TENM2: variants seen among roughly 807,000 people sequenced by gnomAD.
The protein encoded by TENM2 is teneurin transmembrane protein 2, also known as teneurin-2.
TENM2 carries 52 observed loss-of-function variants against 245.2 expected under a neutral mutation model. The observed-to-expected ratio is 0.21, with a 90% confidence interval of 0.17 to 0.27. TENM2 has a LOEUF of 0.27. TENM2 is among the 10% of genes least tolerant of loss of function. The pLI is 1.00. For synonymous variants in TENM2, 1,363 were observed against 1,438.9 expected (o/e 0.95, Z 1.19); for missense variants, 3,046 against 3,666.8 (o/e 0.83, Z 4.37).
intron 2 of TENM2, among the ~76,000 whole-genome samples, chr5:167,570,102 T>A (rs1307281807): frequency 1.3e-5 from 2 of 152,156 alleles, no homozygotes; most frequent in African/African-American, 2.4e-5. Context: ...AATAATGTAC[T>A]TGAGGCTCTG....
chr5:167,669,725 G>C (rs1231451781), intron 2 of TENM2, among the ~76,000 whole-genome samples: 1 of 152,114 alleles, frequency 6.6e-6, no homozygotes, highest in Non-Finnish European at 1.5e-5. Context: ...AGACGGCAGG[G>C]TGGCAGATGG....
intron 2 of TENM2, among the ~76,000 whole-genome samples, chr5:167,674,305 C>A (rs1756161546): frequency 6.6e-6 from 1 of 152,082 alleles, no homozygotes; most frequent in Non-Finnish European, 1.5e-5. Flanking sequence ...ATTATACAGT[C>A]ATGCCATCAC....
At chr5:167,381,478 C>CA (rs1561910405) in intron 2 of TENM2, among the ~76,000 whole-genome samples, 1 of 152,110 alleles carries the variant, frequency 6.6e-6, no homozygotes, top group Non-Finnish European at 1.5e-5. Context: ...AGTGCAGTAT[C>CA]AAACATTTTT....
intron 1 of TENM2, among the ~76,000 whole-genome samples, chr5:167,356,809 G>A (rs1159448403): frequency 6.6e-6 from 1 of 152,108 alleles, no homozygotes; most frequent in Non-Finnish European, 1.5e-5. Flanking sequence ...ATGGGCCTTA[G>A]GCATGTTTGT....
At chr5:167,210,946 G>A in the TENM2 span, among the ~76,000 whole-genome samples, 1 of 152,130 alleles carries the variant, frequency 6.6e-6, no homozygotes, top group African/African-American at 2.4e-5. Context: ...TTACTATCTA[G>A]TAATCCCAGA....
intron 2 of TENM2, among the ~76,000 whole-genome samples, chr5:167,749,838 T>C (rs1048025827): frequency 1.3e-5 from 2 of 152,076 alleles, no homozygotes; most frequent in Non-Finnish European, 2.9e-5. Flanking sequence ...TCATCCTAAA[T>C]CTTATAAACC....
At chr5:167,609,501 A>C (rs1040978873) in intron 2 of TENM2, among the ~76,000 whole-genome samples, 5 of 144,716 alleles carry the variant, frequency 3.5e-5, no homozygotes, top group African/African-American at 7.5e-5. Context: ...AAAAAAAAAA[A>C]AAAAAAAAAA....
intron 12 of TENM2, chr5:168,139,647 G>A: frequency 1.1e-5 from 5 of 445,928 alleles, no homozygotes; most frequent in South Asian, 6.3e-5. Context: ...GAAGGGGAGG[G>A]AGGGAAGAGC....
chr5:167,242,402 C>T, the TENM2 span, among the ~76,000 whole-genome samples: 2 of 147,792 alleles, frequency 1.4e-5, no homozygotes, highest in East Asian at 2.0e-4. Context: ...ACTCCTGACA[C>T]GTAGTAAATA....
chr5:168,127,383 A>G (rs760151551), intron 12 of TENM2, among the ~76,000 whole-genome samples: 1 of 152,170 alleles, frequency 6.6e-6, no homozygotes, highest in Non-Finnish European at 1.5e-5. Flanking sequence ...AGGTCAGGTT[A>G]GACGCAGGCA....
At chr5:167,431,161 G>GCAT (rs1349982296) in intron 2 of TENM2, among the ~76,000 whole-genome samples, 1 of 152,048 alleles carries the variant, frequency 6.6e-6, no homozygotes, top group African/African-American at 2.4e-5. Context: ...CATAGTGAGG[G>GCAT]CATAACATTT....
Position 167,955,681 on chromosome 5 carries a change from A to G in TENM2, c.947+2859A>G, listed in dbSNP as rs144129894. ...GAAGTGTTCCAGTTTCAGTTTTCTG[A>G]ATATAGCTAGCCAGTTTTTCCAACA... On this transcript the variant is annotated intron_variant, in intron 4 of 28. Coordinates refer to ENST00000518659, the Ensembl canonical transcript of TENM2. 3.2e-3 allele frequency among the ~76,000 whole-genome samples: 493 copies of G among 152,196 alleles called. 2 individuals carry two copies. The highest frequency in any genetic ancestry group is 0.011 in the African/African-American group (475 of 41,550).
At chr5:167,017,087 T>C in the TENM2 span, among the ~76,000 whole-genome samples, 3 of 152,180 alleles carry the variant, frequency 2.0e-5, no homozygotes, top group African/African-American at 7.2e-5. Flanking sequence ...TCCCTCCCAT[T>C]GTTTACAGAG....
chr5:168,230,083 C>CTCTT (rs1387887271), intron 25 of TENM2, among the ~76,000 whole-genome samples: 2 of 152,178 alleles, frequency 1.3e-5, no homozygotes, highest in Non-Finnish European at 2.9e-5. Context: ...AATATTAAAA[C>CTCTT]TCTTTCTTTA....
At chr5:167,842,121 C>G (rs918497715) in intron 2 of TENM2, among the ~76,000 whole-genome samples, 2 of 152,106 alleles carry the variant, frequency 1.3e-5, no homozygotes, top group African/African-American at 4.8e-5. Context: ...AGACATCTTG[C>G]TGCCATCTCA....
chr5:168,111,732 G>T (rs1357056401), intron 9 of TENM2, among the ~76,000 whole-genome samples: 2 of 152,146 alleles, frequency 1.3e-5, no homozygotes, highest in African/African-American at 2.4e-5. Context: ...GATGGAGAGA[G>T]CCCATCCCCT....
chr5:167,291,205 C>A (rs947443867), intron 1 of TENM2, among the ~76,000 whole-genome samples: 2 of 152,182 alleles, frequency 1.3e-5, no homozygotes, highest in Non-Finnish European at 2.9e-5. Context: ...TCACCCTAAT[C>A]CTATACTCTT....
chr5:167,016,685 A>G, the TENM2 span, among the ~76,000 whole-genome samples: 19 of 152,222 alleles, frequency 1.2e-4, no homozygotes, highest in African/African-American at 4.1e-4. Context: ...GTTATGTATA[A>G]TAAGCCAGGC....
At chr5:167,712,731 A>G (rs1204841338) in intron 2 of TENM2, among the ~76,000 whole-genome samples, 1 of 152,232 alleles carries the variant, frequency 6.6e-6, no homozygotes, top group Non-Finnish European at 1.5e-5. Flanking sequence ...TTTTTTGAAT[A>G]TGGAATAAAA....
Sources: allele counts gnomAD v4.1 joint callset (sites outside exome capture counted in the v4.1 genomes callset), GRCh38; gene constraint gnomAD v4.1.1; transcripts MANE v1.5; gene names NCBI Gene and HGNC (gene_info 2026-07-23, HGNC 2026-07-21).